The following CYLC1 variants were observed in gnomAD, a reference collection of about 807,000 sequenced individuals.
The protein encoded by CYLC1 is cylicin-1.
Under a neutral mutation model 31.6 loss-of-function variants are expected in CYLC1, and 2 were observed. The observed-to-expected ratio is 0.06, with a 90% CI of 0.03 to 0.20. The LOEUF is 0.20. CYLC1 is among the 10% of genes least tolerant of loss of function. CYLC1 has a pLI of 1.00. For missense variants in CYLC1, 595 were observed against 424.1 expected (o/e 1.40, Z -3.54); for synonymous variants, 185 against 153.0 (o/e 1.21, Z -1.54).
intron 4 of CYLC1, among the ~76,000 whole-genome samples, chrX:83,878,751 T>C (rs1346428088): frequency 9.5e-6 from 1 of 105,673 alleles, no homozygotes; most frequent in Non-Finnish European, 1.9e-5. Context: ...CTTTATATTC[T>C]AATTGGATGT....
At chrX:83,886,484 T>C in intron 4 of CYLC1, 68 bp from the exon 5 acceptor site, 1 of 1,022,286 alleles carries the variant, frequency 9.8e-7, no homozygotes, top group South Asian at 1.9e-5. Flanking sequence ...TAACACATCA[T>C]AGTTGTCTTG....
At chrX:83,884,255 C>A (rs1395958052) in intron 4 of CYLC1, among the ~76,000 whole-genome samples, 1 of 111,167 alleles carries the variant, frequency 9.0e-6, no homozygotes, top group Non-Finnish European at 1.9e-5. Context: ...ATGTTCTTAG[C>A]CTACTTTTTG....
At chrX:83,882,623 C>T (rs574703662) in intron 4 of CYLC1, among the ~76,000 whole-genome samples, 12 of 110,757 alleles carry the variant, frequency 1.1e-4, no homozygotes, top group African/African-American at 3.3e-4. Flanking sequence ...GTTTCCATAT[C>T]TTCAATTCTT....
At position 83,872,963 on chromosome X, in the gene CYLC1, G is replaced by T; in HGVS notation, c.255G>T (p.Leu85Phe). Residue 85 changes from leucine to phenylalanine, a missense_variant, in exon 4 of 5, where the codon TTG becomes TTT. Leu to Phe is a conservative substitution (Grantham distance 22, BLOSUM62 0). Coordinates refer to ENST00000329312, the MANE Select transcript of CYLC1 (RefSeq NM_021118.3). The stretch of plus-strand genomic sequence containing the variant: ...TAAGGCATTCTTTCAGAAAAATTTT[G>T]CAATGGCCACCCATTTACACAGCTG... ...KWIRHSFRKI[L>F]QWPPIYTAAR... 2 of 1,202,397 alleles carry T rather than the reference G, an allele frequency of 1.7e-6. No individual in the cohort carries two copies. The highest frequency in any genetic ancestry group is 2.2e-6 in the Non-Finnish European group (2 of 892,078).
At chrX:83,862,297 C>G (rs1029432242) in intron 1 of CYLC1, among the ~76,000 whole-genome samples, 1 of 107,567 alleles carries the variant, frequency 9.3e-6, no homozygotes, top group Non-Finnish European at 1.9e-5. Context: ...TTTGGGAGGC[C>G]GAGGCGGGTG....
intron 3 of CYLC1, among the ~76,000 whole-genome samples, chrX:83,872,184 G>A (rs2031675506): frequency 9.0e-6 from 1 of 110,604 alleles, no homozygotes; most frequent in Non-Finnish European, 1.9e-5. Context: ...CACCTCTACT[G>A]AATAATTGAG....
In CYLC1 at chrX:83,873,483, A is replaced by G; in HGVS notation, c.775A>G (p.Ile259Val). The part of the protein sequence containing the change: ...MLVGQSDDES[I>V]NFDAWLRNYS... ...AGTGGGACAGTCTGATGATGAATCCATAAATTTTGATGCATGGTTAAGGAA... is the reference window on the plus strand; with the variant it reads ...AGTGGGACAGTCTGATGATGAATCCGTAAATTTTGATGCATGGTTAAGGAA... The change falls in exon 4 of 5, where the codon ATA (isoleucine) becomes GTA (valine). Residue 259 changes from isoleucine (I) to valine (V), a missense_variant. By Grantham distance (29) the Ile-to-Val change is conservative. Transcript: ENST00000329312. The G allele has an allele frequency of 8.4e-7, 1 of 1,190,909 alleles. No individual in the cohort carries two copies. The highest frequency in any genetic ancestry group is 1.1e-6 in the Non-Finnish European group (1 of 880,538).
Position 83,874,099 on chromosome X carries a change from G to T in CYLC1, c.1391G>T (p.Gly464Val). 1 of 1,201,945 alleles carries T rather than the reference G, an allele frequency of 8.3e-7. No homozygotes were observed. Among genetic ancestry groups the T allele is most frequent in the Non-Finnish European group, 1.1e-6 (1 of 890,997 alleles). ...SKKGKKDEKK[G>V]KKDSKKDDKK... The stretch of plus-strand genomic sequence containing the variant: ...AAGGGTAAAAAGGATGAAAAGAAGG[G>T]GAAGAAAGATTCAAAGAAAGATGAC... Residue 464 changes from glycine (G) to valine (V), a missense_variant, in exon 4 of 5, where the codon GGG (glycine) becomes GTG (valine). Coordinates refer to ENST00000329312, the MANE Select transcript of CYLC1 (RefSeq NM_021118.3).
intron 1 of CYLC1, among the ~76,000 whole-genome samples, chrX:83,865,137 A>G (rs2031574774): frequency 9.0e-6 from 1 of 111,304 alleles, no homozygotes; most frequent in Non-Finnish European, 1.9e-5. Flanking sequence ...GATATCTCAA[A>G]CTTAATATGT....
chrX:83,874,295 G>T lies in CYLC1; in HGVS notation c.1587G>T (p.Lys529Asn). 4 of 1,209,681 alleles carry T rather than the reference G, an allele frequency of 3.3e-6. No individual in the cohort carries two copies. Among genetic ancestry groups the T allele is most frequent in the Non-Finnish European group, 4.5e-6 (4 of 894,628 alleles). The change falls in exon 4 of 5, where the codon AAG becomes AAT. Residue 529 changes from lysine (K) to asparagine (N), a missense_variant. By Grantham distance (94) the Lys-to-Asn change is moderately conservative (BLOSUM62 0). Coordinates refer to ENST00000329312, the MANE Select transcript of CYLC1 (RefSeq NM_021118.3). ...STDAEFDESSKTGFKTSTKIK... is the reference protein window; with the variant it reads ...STDAEFDESSNTGFKTSTKIK... ...ATGCTGAATTTGATGAATCTTCCAA[G>T]ACAGGCTTTAAAACATCTACAAAAA...
chrX:83,865,988 T>A (rs934088764), intron 1 of CYLC1, among the ~76,000 whole-genome samples: 6 of 111,077 alleles, frequency 5.4e-5, no homozygotes, highest in Non-Finnish European at 1.1e-4. Context: ...CACTCAAAAC[T>A]AAACTAACAT....
chrX:83,865,343 TACATCACCAA>T (rs751056492), intron 1 of CYLC1, among the ~76,000 whole-genome samples: 2 of 111,276 alleles, frequency 1.8e-5, no homozygotes, highest in Non-Finnish European at 3.8e-5. Flanking sequence ...GAACATCCAG[TACATCACCAA>T]ATCCTATAGG....
Position 83,873,389 on chromosome X carries a change from A to T in CYLC1, c.681A>T (p.Ser227=). 1 of 1,203,690 alleles carries T rather than the reference A, an allele frequency of 8.3e-7. No homozygotes were observed. Among genetic ancestry groups the T allele is most frequent in the Non-Finnish European group, 1.1e-6 (1 of 890,727 alleles). Reference sequence around the variant, plus strand: ...ATCCAAAGAAAGATTTGAAGAGGTCAAAGACTAGTAATGATCCCATATCAG... The same window carrying T: ...ATCCAAAGAAAGATTTGAAGAGGTCTAAGACTAGTAATGATCCCATATCAG... ...KNNPKKDLKR[S]KTSNDPISEI... Residue 227 remains serine (S), a synonymous_variant, in exon 4 of 5, where the codon TCA becomes TCT. Coordinates refer to ENST00000329312, the MANE Select transcript of CYLC1 (RefSeq NM_021118.3).
chrX:83,886,170 T>C (rs1382672307), intron 4 of CYLC1, among the ~76,000 whole-genome samples: 1 of 111,663 alleles, frequency 9.0e-6, no homozygotes, highest in Non-Finnish European at 1.9e-5. Flanking sequence ...TATTTTTATT[T>C]TTAAAAGTTC....
rs188626684 is a variant in CYLC1 at position 83,865,666 on chromosome X, G to A, written c.18-4199G>A. Among the ~76,000 whole-genome samples, 745 of 111,285 alleles carry A rather than the reference G, an allele frequency of 6.7e-3. 3 individuals are homozygous for A. The highest frequency in any genetic ancestry group is 0.023 in the African/African-American group (717 of 30,635). On this transcript the variant is annotated intron_variant, in intron 1 of 4. Coordinates refer to ENST00000329312, the MANE Select transcript of CYLC1 (RefSeq NM_021118.3). ...GCTATTGTATTCCTTGCCTTTTTTA[G>A]CTTCTTGTGGCTGCTAGCATGTCTT...
chrX:83,878,950 G>A (rs776447451), intron 4 of CYLC1, among the ~76,000 whole-genome samples: 10 of 106,598 alleles, frequency 9.4e-5, no homozygotes, highest in South Asian at 4.3e-4. Context: ...ACATAAGCAC[G>A]TAAGAACCAC....
intron 1 of CYLC1, among the ~76,000 whole-genome samples, chrX:83,866,422 G>A (rs1469818485): frequency 9.0e-6 from 1 of 110,949 alleles, no homozygotes; most frequent in Admixed American, 9.6e-5. Flanking sequence ...CTCAGAGTTA[G>A]CCATCATTTT....
chrX:83,870,043 T>G, intron 2 of CYLC1, 138 bp downstream of exon 2: 1 of 290,228 alleles, frequency 3.4e-6, no homozygotes, highest in Non-Finnish European at 5.6e-6. Context: ...AAAGCATGTA[T>G]GCATGATATT....
At chrX:83,867,939 C>G (rs957939089) in intron 1 of CYLC1, among the ~76,000 whole-genome samples, 1 of 111,397 alleles carries the variant, frequency 9.0e-6, no homozygotes, top group African/African-American at 3.3e-5. Flanking sequence ...GAGAAAACTA[C>G]AGCATAATTT....
Sources: allele counts gnomAD v4.1 joint callset (sites outside exome capture counted in the v4.1 genomes callset), GRCh38; gene constraint gnomAD v4.1.1; transcripts MANE v1.5; gene names NCBI Gene and HGNC (gene_info 2026-07-23, HGNC 2026-07-21).